The following ZNF654 variants were observed in gnomAD, a reference collection of about 807,000 sequenced individuals.
ZNF654 encodes melanoma-associated antigen.
In ZNF654, 19 loss-of-function variants were observed where a neutral mutation model predicts 95.3. The ratio of observed to expected loss-of-function variants is 0.20; its 90% CI spans 0.14 to 0.29. The LOEUF is 0.29. Ranked by LOEUF, ZNF654 falls within the 10% of genes least tolerant of loss-of-function variation. The pLI is 1.00. For missense variants in ZNF654, 1,046 were observed against 1,341.0 expected (o/e 0.78, Z 3.44); for synonymous variants, 413 against 457.9 (o/e 0.90, Z 1.25).
chr3:88,106,653 T>G (rs1203790501), intron 2 of ZNF654, among the ~76,000 whole-genome samples: 18 of 152,180 alleles, frequency 1.2e-4, no homozygotes, highest in Admixed American at 1.2e-3. Context: ...CTTTTTTTCA[T>G]TTATCTTTTG....
rs1489124669 is a variant in ZNF654 at position 88,141,706 on chromosome 3, AT to A, written c.*55del. ...CAAGCAGTAGTGTGAAAAAAGCACT[AT>A]AAGAAAATGCATCATCAGTTTGCTA... On this transcript the variant is annotated 3_prime_UTR_variant, in exon 9 of 9. Coordinates refer to ENST00000636215, the MANE Select transcript of ZNF654 (RefSeq NM_001350134.2). 6 of 1,379,248 alleles carry A rather than the reference AT, an allele frequency of 4.4e-6. No individual in the cohort carries two copies. The African/African-American group carries it at 7.2e-5, about 16-fold the overall frequency. 85.4% of individuals were successfully genotyped at this position (1,379,248 alleles called of 1,614,324 possible). A position where few individuals can be genotyped will look rare whatever the true frequency, so the allele number is the denominator to read the frequency against.
At chr3:88,095,020 A>G (rs1396416299) in intron 2 of ZNF654, among the ~76,000 whole-genome samples, 1 of 152,184 alleles carries the variant, frequency 6.6e-6, no homozygotes, top group Non-Finnish European at 1.5e-5. Context: ...TTTGCTGTAT[A>G]AGAAGCAATG....
chr3:88,077,782 A>G (rs1707893367), intron 1 of ZNF654, among the ~76,000 whole-genome samples: 3 of 152,342 alleles, frequency 2.0e-5, no homozygotes, highest in Non-Finnish European at 2.9e-5. Context: ...ATTAATGTCA[A>G]ATATCTTGGT....
chr3:88,088,143 T>G (rs1708433913), intron 2 of ZNF654, among the ~76,000 whole-genome samples: 1 of 152,222 alleles, frequency 6.6e-6, no homozygotes, highest in African/African-American at 2.4e-5. Flanking sequence ...CTTTGCATTC[T>G]GGCATTTACA....
At chr3:88,072,062 T>G (rs1050697615) in intron 1 of ZNF654, among the ~76,000 whole-genome samples, 5 of 152,150 alleles carry the variant, frequency 3.3e-5, no homozygotes, top group Non-Finnish European at 5.9e-5. Context: ...AATAATTGAG[T>G]ATTGTAGAGG....
intron 6 of ZNF654, among the ~76,000 whole-genome samples, chr3:88,131,842 AT>A (rs1287389285): frequency 6.6e-6 from 1 of 151,562 alleles, no homozygotes. Context: ...GATGAGCAGG[AT>A]TTTTTTTCAG....
intron 1 of ZNF654, among the ~76,000 whole-genome samples, chr3:88,060,402 G>A (rs532102640): frequency 6.6e-6 from 1 of 152,096 alleles, no homozygotes; most frequent in Non-Finnish European, 1.5e-5. Context: ...TGTGTACTCT[G>A]CATTCTCATC....
Position 88,068,145 on chromosome 3 carries a change from A to T in ZNF654, c.186+8640A>T, listed in dbSNP as rs539051881. On this transcript the variant is annotated intron_variant, in intron 1 of 8. Coordinates refer to ENST00000636215, the MANE Select transcript of ZNF654 (RefSeq NM_001350134.2). ...CTGATTAGAGAGGTATGTTGAATTG[A>T]CCCACAGAACCATTTGAATTTGATC... Among the ~76,000 whole-genome samples, 3 of 151,934 alleles carry T rather than the reference A, an allele frequency of 2.0e-5. No individual in the cohort carries two copies. The East Asian group carries it at 5.8e-4, about 30-fold the overall frequency.
At chr3:88,141,540 C>T (rs1309932392) in intron 8 of ZNF654, 105 bp from the exon 9 acceptor site, 8 of 778,694 alleles carry the variant, frequency 1.0e-5, no homozygotes, top group Non-Finnish European at 1.5e-5. Flanking sequence ...CTACTAATAT[C>T]AATATCCTTT....
At chr3:88,116,686 G>T (rs1447803947) in intron 3 of ZNF654, among the ~76,000 whole-genome samples, 2 of 151,810 alleles carry the variant, frequency 1.3e-5, no homozygotes, top group African/African-American at 4.8e-5. Flanking sequence ...GAGAATGAGG[G>T]TATGATCCAA....
At chr3:88,121,641 A>G (rs1275774143) in intron 3 of ZNF654, among the ~76,000 whole-genome samples, 1 of 152,196 alleles carries the variant, frequency 6.6e-6, no homozygotes, top group African/African-American at 2.4e-5. Flanking sequence ...CTTAAATTTT[A>G]TAACTTTATG....
Position 88,142,907 on chromosome 3 carries a change from T to A in ZNF654, c.*1255T>A, listed in dbSNP as rs574930849. ...AAAGTGTTAAAACAATAAATATTTT[T>A]AAAAATACCCTCTCAGATGTTTTCC... is the stretch of plus-strand genomic sequence containing the variant. On this transcript the variant is annotated 3_prime_UTR_variant, in exon 9 of 9. Coordinates refer to ENST00000636215, the MANE Select transcript of ZNF654 (RefSeq NM_001350134.2). 8 of 152,376 alleles carry A rather than the reference T, an allele frequency of 5.3e-5. No individual in the cohort carries two copies. Among genetic ancestry groups the A allele is most frequent in the African/African-American group, 1.7e-4 (7 of 41,534 alleles). 9.4% of individuals were successfully genotyped at this position (152,376 alleles called of 1,614,324 possible).
At chr3:88,059,943 G>C (rs765852722) in intron 1 of ZNF654, among the ~76,000 whole-genome samples, 10 of 151,562 alleles carry the variant, frequency 6.6e-5, no homozygotes, top group Non-Finnish European at 1.3e-4. Context: ...CTTTTTTTCC[G>C]GGATGGGAGA....
chr3:88,076,534 T>C (rs1379361167), intron 1 of ZNF654, among the ~76,000 whole-genome samples: 1 of 152,184 alleles, frequency 6.6e-6, no homozygotes, highest in Non-Finnish European at 1.5e-5. Context: ...TATTTTTCTT[T>C]AATTTTTCCA....
intron 1 of ZNF654, among the ~76,000 whole-genome samples, chr3:88,079,874 T>G (rs1707993170): frequency 6.6e-6 from 1 of 152,092 alleles, no homozygotes; most frequent in Admixed American, 6.5e-5. Context: ...GGTTTTAGGT[T>G]GCTTGCTACT....
Position 88,144,103 on chromosome 3 carries a change from G to T in ZNF654, c.*2451G>T, listed in dbSNP as rs1186227683. ...TCAAAAAATTAAATGTTAAATTTCT[G>T]CTGTGTGTCAGTAAGGTGAAGAAAA... On this transcript the variant is annotated 3_prime_UTR_variant, in exon 9 of 9. Transcript: ENST00000636215. The T allele has an allele frequency of 6.6e-6, 1 of 152,216 alleles. No individual in the cohort carries two copies. Among genetic ancestry groups the T allele is most frequent in the African/African-American group, 2.4e-5 (1 of 41,388 alleles). 9.4% of individuals were successfully genotyped at this position (152,216 alleles called of 1,614,324 possible). A position where few individuals can be genotyped will look rare whatever the true frequency, so the allele number is the denominator to read the frequency against.
At chr3:88,102,433 A>T (rs1395314024) in intron 2 of ZNF654, among the ~76,000 whole-genome samples, 3 of 152,112 alleles carry the variant, frequency 2.0e-5, no homozygotes, top group African/African-American at 7.2e-5. Context: ...ATAATGTCAA[A>T]TTTGCTGTTA....
intron 3 of ZNF654, among the ~76,000 whole-genome samples, chr3:88,119,924 A>C (rs1329558882): frequency 3.3e-5 from 5 of 152,222 alleles, no homozygotes; most frequent in Non-Finnish European, 5.9e-5. Flanking sequence ...TCCTCTTCAG[A>C]TAAAACTCTG....
chr3:88,136,930 T>TA (rs1318318440), intron 7 of ZNF654, among the ~76,000 whole-genome samples: 1 of 152,056 alleles, frequency 6.6e-6, no homozygotes, highest in African/African-American at 2.4e-5. Flanking sequence ...CGCGATGGCT[T>TA]ACACCAGTAA....
Sources: allele counts gnomAD v4.1 joint callset (sites outside exome capture counted in the v4.1 genomes callset), GRCh38; gene constraint gnomAD v4.1.1; transcripts MANE v1.5; gene names NCBI Gene and HGNC (gene_info 2026-07-23, HGNC 2026-07-21).